The following PRR5 variants were observed in gnomAD, a reference collection of about 807,000 sequenced individuals.
PRR5 encodes proline-rich protein 5.
A neutral mutation model predicts 30.6 loss-of-function variants in PRR5; 25 were observed. The observed-to-expected ratio is 0.82, with a 90% CI of 0.60 to 1.14. PRR5 has a LOEUF of 1.14. Among genes scored for constraint, PRR5 ranks in the 50% most tolerant of loss-of-function variants. PRR5 has a pLI of 0.00. For synonymous variants in PRR5, 286 were observed against 247.1 expected (o/e 1.16, Z -1.48); for missense variants, 600 against 547.1 (o/e 1.10, Z -0.96).
chr22:44,672,374 C>T (rs1210323901), upstream of PRR5, among the ~76,000 whole-genome samples: 1 of 152,108 alleles, frequency 6.6e-6, no homozygotes, highest in Admixed American at 6.5e-5. Flanking sequence ...CACCTGGGGT[C>T]AGGAGTTCGA....
chr22:44,733,069 G>C (rs991584415), intron 6 of PRR5, among the ~76,000 whole-genome samples: 7 of 152,358 alleles, frequency 4.6e-5, no homozygotes, highest in African/African-American at 1.4e-4. Flanking sequence ...CATACACACA[G>C]TGTCCCAGTC....
intron 1 of PRR5, among the ~76,000 whole-genome samples, chr22:44,670,736 C>T (rs574558139): frequency 5.9e-5 from 9 of 152,232 alleles, no homozygotes; most frequent in African/African-American, 9.6e-5. Context: ...GGCCTGGGGA[C>T]GGTAACACAG....
intron 4 of PRR5, chr22:44,729,653 TGCCCCACAG>T (rs1921561510): frequency 1.0e-6 from 1 of 985,324 alleles, no homozygotes; most frequent in African/African-American, 1.7e-5. Context: ...CTAACCCTAC[TGCCCCACAG>T]AGGGGCCCCC....
chr22:44,702,187 C>CCCCCGGGTCCCT (rs1926407899), upstream of PRR5: 1 of 1,002,416 alleles, frequency 1.0e-6, no homozygotes, highest in Non-Finnish European at 1.2e-6. Flanking sequence ...CCTGGGCCCG[C>CCCCCGGGTCCCT]CCCCGGGTCC....
chr22:44,712,856 G>A (rs534744827), intron 1 of PRR5, among the ~76,000 whole-genome samples: 1 of 152,264 alleles, frequency 6.6e-6, no homozygotes, highest in Admixed American at 6.5e-5. Flanking sequence ...GGCCAGCAGC[G>A]GGCACTCATG....
upstream of PRR5, among the ~76,000 whole-genome samples, chr22:44,675,690 A>G (rs1028478519): frequency 2.0e-5 from 3 of 152,074 alleles, no homozygotes; most frequent in East Asian, 5.8e-4. Context: ...GGAGTAAACG[A>G]GGAGATGGGA....
chr22:44,720,222 G>A (rs915330695), intron 2 of PRR5, among the ~76,000 whole-genome samples: 4 of 152,258 alleles, frequency 2.6e-5, no homozygotes, highest in African/African-American at 4.8e-5. Flanking sequence ...TCAGCAGCAG[G>A]TCTCACGTGC....
chr22:44,670,247 C>CA (rs1569056513), intron 1 of PRR5, among the ~76,000 whole-genome samples: 1 of 152,184 alleles, frequency 6.6e-6, no homozygotes, highest in Non-Finnish European at 1.5e-5. Flanking sequence ...TCTTGGAGCC[C>CA]AAGTCCCCCA....
chr22:44,696,835 C>T (rs989367845), intron 1 of PRR5, among the ~76,000 whole-genome samples: 3 of 152,198 alleles, frequency 2.0e-5, no homozygotes, highest in South Asian at 2.1e-4. Context: ...TTCCAGGGTT[C>T]GAGCGATTCT....
chr22:44,731,525 T>C, intron 4 of PRR5: 2 of 596,310 alleles, frequency 3.4e-6, no homozygotes, highest in South Asian at 2.0e-5. Flanking sequence ...TGCCACATTT[T>C]ATAAATGGAA....
At chr22:44,717,599 C>T (rs1192200676) in intron 2 of PRR5, among the ~76,000 whole-genome samples, 1 of 152,098 alleles carries the variant, frequency 6.6e-6, no homozygotes, top group African/African-American at 2.4e-5. Flanking sequence ...GTGGATGTGC[C>T]TATTCTGGAC....
chr22:44,704,144 C>CT (rs1926815222), intron 1 of PRR5, among the ~76,000 whole-genome samples: 1 of 152,200 alleles, frequency 6.6e-6, no homozygotes, highest in African/African-American at 2.4e-5. Flanking sequence ...CAACACAGTG[C>CT]TTAGCACATA....
chr22:44,702,622 CT>C lies in PRR5; in HGVS notation c.134+15del. 7.8e-7 allele frequency: 1 copy of C among 1,285,430 alleles called. No homozygotes were observed. Among genetic ancestry groups the C allele is most frequent in the South Asian group, 2.4e-5 (1 of 41,602 alleles). The allele number at this position is 1,285,430 out of a possible 1,614,324, so 79.6% of individuals were successfully genotyped here. A position where few individuals can be genotyped will look rare whatever the true frequency, so the allele number is the denominator to read the frequency against. On this transcript the variant is annotated intron_variant, in intron 1 of 7. Transcript: ENST00000336985. ...CACCTGGAACAGGTAAGGCCGCGCC[CT>C]CCCGGCCACCCGGAGGCCCTGGAGC...
At chr22:44,692,288 C>T (rs1925322375) in intron 1 of PRR5, among the ~76,000 whole-genome samples, 1 of 133,544 alleles carries the variant, frequency 7.5e-6, no homozygotes, top group Non-Finnish European at 1.6e-5. Context: ...CGCTCCTCCA[C>T]CAGGGGCTCC....
Position 44,736,973 on chromosome 22 carries a change from C to T in PRR5, c.893C>T (p.Pro298Leu), listed in dbSNP as rs187629442. 14,677 of 1,601,366 alleles carry T rather than the reference C, an allele frequency of 9.2e-3. 83 individuals carry two copies. Among genetic ancestry groups the T allele is most frequent in the Non-Finnish European group, 0.011 (13,317 of 1,174,684 alleles). Residue 298 changes from proline to leucine, a missense_variant, in exon 8 of 8, where the codon CCG becomes CTG. Pro to Leu is a moderately conservative substitution (Grantham distance 98, BLOSUM62 -3). Coordinates refer to ENST00000336985, the MANE Select transcript of PRR5 (RefSeq NM_181333.4). ...CCCGAGCCTCAGGGCTTCTCCGACCCGCCCGGCCAGGGCCCCACCGGGACC... is the reference window on the plus strand; with the variant it reads ...CCCGAGCCTCAGGGCTTCTCCGACCTGCCCGGCCAGGGCCCCACCGGGACC... ...SCPEPQGFSD[P>L]PGQGPTGTFR...
At chr22:44,728,876 C>T (rs1200353332) in intron 4 of PRR5, among the ~76,000 whole-genome samples, 3 of 152,200 alleles carry the variant, frequency 2.0e-5, no homozygotes, top group Non-Finnish European at 4.4e-5. Flanking sequence ...AGCCCCTGGG[C>T]AGAGCCGGTC....
In PRR5 at chr22:44,725,224, G is replaced by T. The variant is rs1930499016; in HGVS notation, c.216-20G>T. 6.2e-7 allele frequency: 1 copy of T among 1,613,664 alleles called. No homozygotes were observed. Among genetic ancestry groups the T allele is most frequent in the Non-Finnish European group, 8.5e-7 (1 of 1,179,916 alleles). Reference sequence around the variant, plus strand: ...GCCGTGTGGTCTGGGACTCACTCTTGTCTCACCTCCCACCCACAGGCAGCT... The same window carrying T: ...GCCGTGTGGTCTGGGACTCACTCTTTTCTCACCTCCCACCCACAGGCAGCT... On this transcript the variant is annotated intron_variant, in intron 2 of 7. Coordinates refer to ENST00000336985, the MANE Select transcript of PRR5 (RefSeq NM_181333.4).
chr22:44,735,282 C>T (rs1409001323), intron 7 of PRR5, 120 bp downstream of exon 7: 1 of 1,338,940 alleles, frequency 7.5e-7, no homozygotes, highest in East Asian at 2.5e-5. Context: ...GACTGGTTCT[C>T]AGCCGGGCAG....
At chr22:44,669,781 G>C (rs758364385) in intron 1 of PRR5, among the ~76,000 whole-genome samples, 1 of 152,142 alleles carries the variant, frequency 6.6e-6, no homozygotes, top group African/African-American at 2.4e-5. Context: ...CATGAGGACC[G>C]TGTGGGGTGG....
Sources: allele counts gnomAD v4.1 joint callset (sites outside exome capture counted in the v4.1 genomes callset), GRCh38; gene constraint gnomAD v4.1.1; transcripts MANE v1.5; gene names NCBI Gene and HGNC (gene_info 2026-07-23, HGNC 2026-07-21).